The following PTPRZ1 variants were observed in gnomAD, a reference collection of about 807,000 sequenced individuals.
The protein encoded by PTPRZ1 is receptor-type tyrosine-protein phosphatase zeta.
In PTPRZ1, 82 loss-of-function variants were observed where a neutral mutation model predicts 214.1. The observed-to-expected ratio is 0.38, with a 90% CI of 0.32 to 0.46. The LOEUF (loss-of-function observed/expected upper bound fraction) is 0.46. PTPRZ1 is among the 20% of genes least tolerant of loss of function. The pLI, the probability that PTPRZ1 is intolerant of heterozygous loss-of-function variation, is 1.00. For synonymous variants in PTPRZ1, 945 were observed against 987.9 expected (o/e 0.96, Z 0.81); for missense variants, 2,603 against 2,748.7 (o/e 0.95, Z 1.19).
chr7:121,984,774 A>G (rs1226431230), intron 8 of PTPRZ1, among the ~76,000 whole-genome samples: 1 of 151,706 alleles, frequency 6.6e-6, no homozygotes, highest in Non-Finnish European at 1.5e-5. Context: ...GGGTGTCTCT[A>G]GAATGCCGTC....
chr7:122,057,645 C>CTTTTTTTTTTTT (rs5887066), intron 27 of PTPRZ1, among the ~76,000 whole-genome samples: 11 of 128,168 alleles, frequency 8.6e-5, no homozygotes, highest in East Asian at 2.2e-4. Flanking sequence ...CTTTGTGATT[C>CTTTTTTTTTTTT]TTTTTTTTTT....
At chr7:121,991,207 A>C (rs1021563576) in intron 8 of PTPRZ1, among the ~76,000 whole-genome samples, 1 of 152,244 alleles carries the variant, frequency 6.6e-6, no homozygotes, top group Non-Finnish European at 1.5e-5. Context: ...TTTGCAAAGC[A>C]GTACAGTCCC....
At chr7:121,875,137 T>C (rs1212802530) in intron 1 of PTPRZ1, among the ~76,000 whole-genome samples, 1 of 152,106 alleles carries the variant, frequency 6.6e-6, no homozygotes, top group East Asian at 1.9e-4. Flanking sequence ...TGTGCAGCCA[T>C]CACCACTAAT....
intron 25 of PTPRZ1, among the ~76,000 whole-genome samples, chr7:122,053,685 T>C (rs113441497): frequency 1.8e-4 from 28 of 152,224 alleles, no homozygotes; most frequent in African/African-American, 6.7e-4. Flanking sequence ...CTCACAGTAT[T>C]GCTGTGAGGA....
At chr7:121,931,029 C>T (rs1021905512) in intron 2 of PTPRZ1, among the ~76,000 whole-genome samples, 5 of 152,108 alleles carry the variant, frequency 3.3e-5, no homozygotes, top group African/African-American at 1.2e-4. Context: ...TTAAATGATT[C>T]ATTTAAATAT....
chr7:122,029,616 C>T (rs1160208315), intron 14 of PTPRZ1, among the ~76,000 whole-genome samples: 1 of 151,862 alleles, frequency 6.6e-6, no homozygotes, highest in Non-Finnish European at 1.5e-5. Flanking sequence ...GACTGATGCT[C>T]CATATTCCAT....
At chr7:121,989,043 T>G (rs1263963175) in intron 8 of PTPRZ1, among the ~76,000 whole-genome samples, 1 of 152,216 alleles carries the variant, frequency 6.6e-6, no homozygotes, top group Non-Finnish European at 1.5e-5. Context: ...GCAAATAATT[T>G]ACATTCTTCA....
rs1797690339 is a variant in PTPRZ1 at position 121,983,834 on chromosome 7, A to G, written c.777+12A>G. 1 of 1,606,594 alleles carries G rather than the reference A, an allele frequency of 6.2e-7. No homozygotes were observed. The highest frequency in any genetic ancestry group is 1.1e-5 in the South Asian group (1 of 90,346). ...TCTCTGAAAGCCAGGTAATCTTAGAAATTCAAACAAATCAAGTAATTCAAA... is the reference window on the plus strand; with the variant it reads ...TCTCTGAAAGCCAGGTAATCTTAGAGATTCAAACAAATCAAGTAATTCAAA... On this transcript the variant is annotated intron_variant, in intron 7 of 29. Transcript: ENST00000393386.
intron 2 of PTPRZ1, among the ~76,000 whole-genome samples, chr7:121,947,251 A>G (rs1796410018): frequency 7.1e-6 from 1 of 140,668 alleles, no homozygotes; most frequent in Non-Finnish European, 1.5e-5. Context: ...TCTAAGTTTA[A>G]AATTATAAAA....
At position 122,061,248 on chromosome 7, in the gene PTPRZ1, C is replaced by A; in HGVS notation, c.*28C>A. On this transcript the variant is annotated 3_prime_UTR_variant, in exon 30 of 30. Coordinates refer to ENST00000393386, the MANE Select transcript of PTPRZ1 (RefSeq NM_002851.3). ...CAGAAAGGGGTGGGGGAACTCACAT[C>A]TGAGCATTGTTTTCCTCTTCCTAAA... 2 of 1,526,996 alleles carry A rather than the reference C, an allele frequency of 1.3e-6. No individual in the cohort carries two copies. The highest frequency in any genetic ancestry group is 1.4e-5 in the African/African-American group (1 of 72,436). 94.6% of individuals were successfully genotyped at this position (1,526,996 alleles called of 1,614,324 possible).
Position 122,034,357 on chromosome 7 carries a change from C to G in PTPRZ1, c.5263C>G (p.Arg1755Gly). 6.2e-7 allele frequency: 1 copy of G among 1,613,048 alleles called. No homozygotes were observed. The highest frequency in any genetic ancestry group is 8.5e-7 in the Non-Finnish European group (1 of 1,179,418). The change falls in exon 17 of 30, where the codon CGA becomes GGA. Residue 1755 changes from arginine to glycine, a missense_variant. Coordinates refer to ENST00000393386, the MANE Select transcript of PTPRZ1 (RefSeq NM_002851.3). ...SNHPDNKHKN[R>G]YINIVAYDHS... The stretch of plus-strand genomic sequence containing the variant: ...CCACCCAGACAACAAGCACAAGAAT[C>G]GATACATAAATATCGTTGCCTGTAA...
chr7:121,875,807 G>T (rs575499813), intron 1 of PTPRZ1, among the ~76,000 whole-genome samples: 1 of 152,296 alleles, frequency 6.6e-6, no homozygotes, highest in East Asian at 1.9e-4. Flanking sequence ...ATCTTCAAAT[G>T]AAAAAGTTAG....
Position 121,997,938 on chromosome 7 carries a change from T to C in PTPRZ1, c.1172T>C (p.Ile391Thr). The C allele has an allele frequency of 6.2e-7, 1 of 1,612,300 alleles. No individual in the cohort carries two copies. Among genetic ancestry groups the C allele is most frequent in the South Asian group, 1.1e-5 (1 of 90,986 alleles). The change falls in exon 10 of 30, where the codon ATA (isoleucine) becomes ACA (threonine). Residue 391 changes from isoleucine to threonine, a missense_variant. Physicochemically the swap from Ile to Thr is moderately conservative, Grantham distance 89. Transcript: ENST00000393386. ...NMSYVLQIVA[I>T]CTNGLYGKYS... ...AGTTATGTTCTTCAGATAGTAGCCA[T>C]ATGCACTAATGGCTTATATGGAAAA... is the stretch of plus-strand genomic sequence containing the variant.
At chr7:122,035,177 G>A (rs1026341730) in intron 17 of PTPRZ1, among the ~76,000 whole-genome samples, 6 of 152,222 alleles carry the variant, frequency 3.9e-5, no homozygotes, top group South Asian at 2.1e-4. Context: ...TATTACCAAC[G>A]AGGTTATTTA....
intron 3 of PTPRZ1, among the ~76,000 whole-genome samples, chr7:121,972,011 G>GTTTCCTGCC (rs1584697233): frequency 6.6e-6 from 1 of 152,262 alleles, no homozygotes; most frequent in Admixed American, 6.5e-5. Context: ...ATAAGAATGA[G>GTTTCCTGCC]TTTCCTGCCT....
At chr7:121,941,773 G>A (rs1286536705) in intron 2 of PTPRZ1, among the ~76,000 whole-genome samples, 1 of 152,090 alleles carries the variant, frequency 6.6e-6, no homozygotes, top group Non-Finnish European at 1.5e-5. Flanking sequence ...CTACTTCACT[G>A]TACCAGGTGA....
intron 2 of PTPRZ1, among the ~76,000 whole-genome samples, chr7:121,959,632 G>T (rs1041625993): frequency 5.3e-5 from 8 of 152,064 alleles, no homozygotes; most frequent in African/African-American, 1.9e-4. Context: ...TTATCTTTGA[G>T]GAAGCCCCTT....
At chr7:121,939,399 T>C (rs571817960) in intron 2 of PTPRZ1, among the ~76,000 whole-genome samples, 12 of 152,344 alleles carry the variant, frequency 7.9e-5, no homozygotes, top group Non-Finnish European at 1.6e-4. Context: ...AACTCTGTAG[T>C]TTCCATTCTT....
intron 1 of PTPRZ1, among the ~76,000 whole-genome samples, chr7:121,897,440 C>T (rs1050895790): frequency 1.3e-5 from 2 of 152,142 alleles, no homozygotes; most frequent in East Asian, 1.9e-4. Flanking sequence ...ACTGTGGGTT[C>T]GAGGCTTTCT....
Sources: allele counts gnomAD v4.1 joint callset (sites outside exome capture counted in the v4.1 genomes callset), GRCh38; gene constraint gnomAD v4.1.1; transcripts MANE v1.5; gene names NCBI Gene and HGNC (gene_info 2026-07-23, HGNC 2026-07-21).